Variants in SYTL2 observed in about 807,000 individuals in gnomAD.
SYTL2 encodes the protein synaptotagmin like 2.
In SYTL2, 165 loss-of-function variants were observed where a neutral mutation model predicts 198.7. The observed-to-expected ratio is 0.83, with a 90% CI of 0.73 to 0.94. The LOEUF (loss-of-function observed/expected upper bound fraction) is 0.94, where lower values mean the gene tolerates loss of function less well. Among genes scored for constraint, SYTL2 ranks in the 40% least tolerant of loss-of-function variants. SYTL2 has a pLI of 0.00. For missense variants in SYTL2, 2,835 were observed against 2,582.8 expected, an observed-to-expected ratio of 1.10 and a Z score of -2.12; for synonymous variants, 966 against 917.7, an observed-to-expected ratio of 1.05 and a Z score of -0.95.
intron 8 of SYTL2, among the ~76,000 whole-genome samples, chr11:85,723,706 A>G (rs547419107): frequency 1.3e-5 from 2 of 152,316 alleles, no homozygotes; most frequent in African/African-American, 4.8e-5. Context: ...AGAGAAGTCA[A>G]CTCAGACTCT....
chr11:85,751,790 G>T (rs1214304849), intron 2 of SYTL2, among the ~76,000 whole-genome samples: 3 of 152,132 alleles, frequency 2.0e-5, no homozygotes, highest in Non-Finnish European at 4.4e-5. Flanking sequence ...GCTGTTCAAA[G>T]AATTTCATCC....
chr11:85,727,814 G>C lies in SYTL2; in HGVS notation c.1544C>G (p.Thr515Ser). Residue 515 changes from threonine to serine, a missense_variant, in exon 8 of 20, where the codon ACT becomes AGT. Thr to Ser is a moderately conservative substitution (Grantham distance 58). This residue lies in a region of SYTL2 where 2,645 missense variants were observed against 2,381.7 expected (regional missense o/e 1.11). Coordinates refer to ENST00000359152, the MANE Select transcript of SYTL2 (RefSeq NM_206927.4). Reference protein sequence around the residue: ...GPYATEIKKSTDDSIFKVLDW... With the variant: ...GPYATEIKKSSDDSIFKVLDW... ...TAGAACTTTAAATATGGAATCATCA[G>C]TTGACTTCTTTATCTCAGTGGCATA... The C allele has an allele frequency of 6.2e-7, 1 of 1,608,216 alleles. No individual in the cohort carries two copies. Among genetic ancestry groups the C allele is most frequent in the Non-Finnish European group, 8.5e-7 (1 of 1,177,474 alleles).
intron 17 of SYTL2, 130 bp downstream of exon 17, chr11:85,700,385 C>A: frequency 1.8e-6 from 1 of 566,394 alleles, no homozygotes; most frequent in Non-Finnish European, 3.1e-6. Flanking sequence ...TGTGAATAGA[C>A]TCATTTGGTC....
intron 15 of SYTL2, among the ~76,000 whole-genome samples, chr11:85,706,356 C>G (rs2085143140): frequency 6.6e-6 from 1 of 152,182 alleles, no homozygotes; most frequent in Admixed American, 6.5e-5. Context: ...AAGTTGGTCC[C>G]TACCCTCATG....
chr11:85,822,004 G>A, the SYTL2 span, among the ~76,000 whole-genome samples: 1 of 151,760 alleles, frequency 6.6e-6, no homozygotes, highest in African/African-American at 2.4e-5. Flanking sequence ...GAGAGCCCTA[G>A]GTGCTCAAAG....
the SYTL2 span, among the ~76,000 whole-genome samples, chr11:85,822,325 A>G: frequency 2.0e-5 from 3 of 152,200 alleles, no homozygotes; most frequent in Non-Finnish European, 4.4e-5. Flanking sequence ...GCAGCAAGGT[A>G]CAGCCTTGCC....
chr11:85,740,215 C>T (rs1292118785), intron 4 of SYTL2, among the ~76,000 whole-genome samples: 2 of 152,192 alleles, frequency 1.3e-5, no homozygotes. Flanking sequence ...TTTCTATTGA[C>T]CTTTCATGCC....
At chr11:85,774,785 C>T (rs1321994613) in intron 1 of SYTL2, among the ~76,000 whole-genome samples, 1 of 152,098 alleles carries the variant, frequency 6.6e-6, no homozygotes, top group African/African-American at 2.4e-5. Flanking sequence ...TTAATCAAAC[C>T]TTAAACCCTT....
At chr11:85,784,586 T>C (rs1191105373) in intron 1 of SYTL2, among the ~76,000 whole-genome samples, 1 of 152,146 alleles carries the variant, frequency 6.6e-6, no homozygotes, top group Non-Finnish European at 1.5e-5. Context: ...TTGCTTTACT[T>C]CAAATTCAGG....
intron 7 of SYTL2, among the ~76,000 whole-genome samples, chr11:85,731,431 A>T (rs1166590330): frequency 6.6e-6 from 1 of 152,226 alleles, no homozygotes; most frequent in Non-Finnish European, 1.5e-5. Flanking sequence ...ATAATGCCAC[A>T]TATCTACAAC....
At chr11:85,833,769 C>T in the SYTL2 span, among the ~76,000 whole-genome samples, 1 of 140,834 alleles carries the variant, frequency 7.1e-6, no homozygotes, top group African/African-American at 2.6e-5. Flanking sequence ...CTCACTCCGT[C>T]ATCCAGGCTG....
At chr11:85,723,069 A>T (rs972152253) in intron 8 of SYTL2, among the ~76,000 whole-genome samples, 1 of 152,244 alleles carries the variant, frequency 6.6e-6, no homozygotes, top group South Asian at 2.1e-4. Flanking sequence ...GCCAAAAAAC[A>T]TTCTCTATCA....
chr11:85,762,950 GA>G lies in SYTL2; in HGVS notation c.-389-4837del, dbSNP rs34176413. ...ATCTACTAGGCACTCAAGTGTTCAT[GA>G]AAAAAAAAAATGATGAACACAGGTG... On this transcript the variant is annotated intron_variant, in intron 1 of 19. Coordinates refer to ENST00000359152, the MANE Select transcript of SYTL2 (RefSeq NM_206927.4). Among the ~76,000 whole-genome samples, 971 of 146,670 alleles carry G rather than the reference GA, an allele frequency of 6.6e-3. 21 individuals carry two copies. The highest frequency in any genetic ancestry group is 0.041 in the East Asian group (208 of 5,084).
At chr11:85,723,753 A>G (rs1423643201) in intron 8 of SYTL2, among the ~76,000 whole-genome samples, 1 of 152,190 alleles carries the variant, frequency 6.6e-6, no homozygotes, top group Admixed American at 6.5e-5. Flanking sequence ...TACGTAATGC[A>G]TTTGATTAAA....
rs2090714130 is a variant in SYTL2, at chr11:85,740,625, T to G, written c.390-2969A>C. Among the ~76,000 whole-genome samples, 3 of 152,192 alleles carry G rather than the reference T, an allele frequency of 2.0e-5. No individual in the cohort carries two copies. In the South Asian group the frequency reaches 6.2e-4, roughly 31 times the overall value. ...ACTGTGTCCTGAATATAAAAGATAC[T>G]CCATACATTCCACATGATAAGATTT... On this transcript the variant is annotated intron_variant, in intron 4 of 19. Coordinates refer to ENST00000359152, the MANE Select transcript of SYTL2 (RefSeq NM_206927.4).
At chr11:85,783,268 GA>G (rs994601812) in intron 1 of SYTL2, among the ~76,000 whole-genome samples, 1 of 152,122 alleles carries the variant, frequency 6.6e-6, no homozygotes, top group African/African-American at 2.4e-5. Context: ...GCAAAAGGGG[GA>G]AAGCCCCTTA....
the SYTL2 span, among the ~76,000 whole-genome samples, chr11:85,817,077 A>G: frequency 1.3e-5 from 2 of 152,228 alleles, no homozygotes; most frequent in African/African-American, 4.8e-5. Flanking sequence ...AAGAGAAAAC[A>G]GTAATCTGTG....
At chr11:85,722,290 G>T (rs2088446203) in intron 8 of SYTL2, among the ~76,000 whole-genome samples, 1 of 147,830 alleles carries the variant, frequency 6.8e-6, no homozygotes, top group Non-Finnish European at 1.5e-5. Flanking sequence ...CCATTCTGCT[G>T]CCTCAGCCTC....
intron 17 of SYTL2, among the ~76,000 whole-genome samples, chr11:85,698,785 A>C (rs472550): frequency 6.6e-6 from 1 of 152,248 alleles, no homozygotes; most frequent in African/African-American, 2.4e-5. Context: ...GGGATCCACC[A>C]GCCTCAGCCT....
Sources: gnomAD v4.1 joint callset for allele counts (sites outside exome capture counted in the v4.1 genomes callset) on GRCh38, gnomAD v4.1.1 for gene constraint, gnomAD v4.1.1 regional missense constraint, MANE v1.5 for transcripts, NCBI Gene and HGNC (gene_info 2026-07-23, HGNC 2026-07-21) for gene names.